NLRP4: variants seen among roughly 807,000 people sequenced by gnomAD.
NLRP4 encodes NLR family pyrin domain containing 4.
In NLRP4, 44 loss-of-function variants were observed where a neutral mutation model predicts 84.7. The ratio of observed to expected loss-of-function variants is 0.52; its 90% confidence interval spans 0.41 to 0.67. The LOEUF (loss-of-function observed/expected upper bound fraction) is 0.67, where lower values mean the gene tolerates loss of function less well. Ranked by LOEUF, NLRP4 falls within the 30% of genes least tolerant of loss-of-function variation. NLRP4 has a pLI of 0.00. For missense variants in NLRP4, 1,260 were observed against 1,219.4 expected (o/e 1.03, Z -0.50); for synonymous variants, 544 against 476.4 (o/e 1.14, Z -1.85).
intron 1 of NLRP4, among the ~76,000 whole-genome samples, chr19:55,850,179 G>A (rs1027817801): frequency 1.4e-5 from 2 of 146,430 alleles, no homozygotes; most frequent in Non-Finnish European, 3.0e-5. Context: ...CCGTGGCTGC[G>A]GTGTAATTTC....
At chr19:55,862,301 A>G (rs1160251882) in intron 5 of NLRP4, 142 bp downstream of exon 5, 3 of 395,224 alleles carry the variant, frequency 7.6e-6, no homozygotes, top group African/African-American at 4.9e-5. Flanking sequence ...ATTGGGTTTC[A>G]GAGAAGACTA....
chr19:55,838,112 G>A (rs36187149), intron 1 of NLRP4, among the ~76,000 whole-genome samples: 9,684 of 148,980 alleles, frequency 0.065, 397 homozygotes, highest in Middle Eastern at 0.1. Flanking sequence ...CGAGGTTGGG[G>A]GTTCGAGACC....
At position 55,852,472 on chromosome 19, in the gene NLRP4, T is replaced by C. The variant is rs138537127; in HGVS notation, c.280+112T>C. 8 of 659,960 alleles carry C rather than the reference T, an allele frequency of 1.2e-5. No homozygotes were observed. In the African/African-American group the frequency reaches 1.3e-4, roughly 11 times the overall value. 40.9% of individuals were successfully genotyped at this position (659,960 alleles called of 1,614,324 possible). On this transcript the variant is annotated intron_variant, in intron 2 of 9. Transcript: ENST00000301295. ...GACCTGAATGTGCTATGGGAAAATA[T>C]TAGGTTTTTTTTTTTTTTTTTTTGG...
chr19:55,839,308 A>T (rs365755), intron 1 of NLRP4, among the ~76,000 whole-genome samples: 47 of 151,350 alleles, frequency 3.1e-4, no homozygotes, highest in African/African-American at 1.0e-3. Flanking sequence ...CCTCAGTTTG[A>T]GTGTGTGTGT....
chr19:55,840,093 G>A (rs577930398), intron 1 of NLRP4, among the ~76,000 whole-genome samples: 1 of 152,300 alleles, frequency 6.6e-6, no homozygotes, highest in East Asian at 1.9e-4. Context: ...CTGAGGATCA[G>A]TATATAGCTG....
At chr19:55,845,066 T>G (rs1186536729) in intron 1 of NLRP4, among the ~76,000 whole-genome samples, 1 of 152,046 alleles carries the variant, frequency 6.6e-6, no homozygotes, top group Non-Finnish European at 1.5e-5. Context: ...AGGGTACATG[T>G]GCACAACGTG....
intron 1 of NLRP4, among the ~76,000 whole-genome samples, chr19:55,838,285 A>G (rs1983465317): frequency 1.3e-5 from 2 of 151,598 alleles, no homozygotes; most frequent in Non-Finnish European, 1.5e-5. Flanking sequence ...CTGGGCAACA[A>G]GAGTGAAACT....
chr19:55,861,427 T>A lies in NLRP4; in HGVS notation c.1898T>A (p.Val633Glu). ...ATCTGTTGGCATCACATCTGCTCTG[T>A]GCTCACCACCAGCGGGCACCTCAGA... is the stretch of plus-strand genomic sequence containing the variant. ...SLICWHHICSVLTTSGHLREL... is the reference protein window; with the variant it reads ...SLICWHHICSELTTSGHLREL... Residue 633 changes from valine (V) to glutamate (E), a missense_variant, in exon 4 of 10, where the codon GTG (valine) becomes GAG (glutamate). By Grantham distance (121) the Val-to-Glu change is moderately radical. Coordinates refer to ENST00000301295, the MANE Select transcript of NLRP4 (RefSeq NM_134444.5). The A allele has an allele frequency of 6.2e-7, 1 of 1,614,190 alleles. No homozygotes were observed. The highest frequency in any genetic ancestry group is 1.3e-5 in the African/African-American group (1 of 75,052).
intron 2 of NLRP4, among the ~76,000 whole-genome samples, chr19:55,856,379 A>C (rs1163809020): frequency 6.6e-6 from 1 of 152,166 alleles, no homozygotes; most frequent in East Asian, 1.9e-4. Context: ...AACAGGCAGA[A>C]GATAGACTCC....
At chr19:55,861,963 C>T in intron 4 of NLRP4, 29 bp from the exon 5 acceptor site, 9 of 1,564,724 alleles carry the variant, frequency 5.8e-6, no homozygotes, top group Non-Finnish European at 7.9e-6. Context: ...TTAGATGAAA[C>T]TCATCCAAAA....
At chr19:55,869,757 T>G (rs1302135816) in intron 6 of NLRP4, among the ~76,000 whole-genome samples, 1 of 148,124 alleles carries the variant, frequency 6.8e-6, no homozygotes, top group African/African-American at 2.5e-5. Context: ...TACTCCACAC[T>G]TTTTTTTCAA....
chr19:55,855,650 T>C (rs138317172), intron 2 of NLRP4, among the ~76,000 whole-genome samples: 5 of 152,364 alleles, frequency 3.3e-5, no homozygotes, highest in African/African-American at 1.2e-4. Context: ...CCAGTAACTA[T>C]TATGCGGGGC....
chr19:55,859,286 ATCTG>A (rs767534323), intron 3 of NLRP4, 37 bp downstream of exon 3: 53 of 1,523,126 alleles, frequency 3.5e-5, no homozygotes, highest in Non-Finnish European at 4.4e-5. Flanking sequence ...TCTTCTCAGA[ATCTG>A]TCTGTATTCC....
chr19:55,874,486 A>C (rs530973926), intron 7 of NLRP4, among the ~76,000 whole-genome samples: 1 of 152,332 alleles, frequency 6.6e-6, no homozygotes, highest in South Asian at 2.1e-4. Flanking sequence ...CAGATATTAA[A>C]AAGATTACAT....
rs1568658168 is a variant in NLRP4 at position 55,849,954 on chromosome 19, ACTGCGGTGTAATTTCCGTAG to A, written c.-65-2044_-65-2025del. ...CCGTAGCCGCGGTGTAATTTCCGAG[ACTGCGGTGTAATTTCCGTAG>A]CTGCGGTGTAATTTCCGAGACTGCG... On this transcript the variant is annotated intron_variant, in intron 1 of 9. Coordinates refer to ENST00000301295, the MANE Select transcript of NLRP4 (RefSeq NM_134444.5). Among the ~76,000 whole-genome samples, 58 of 54,086 alleles carry A rather than the reference ACTGCGGTGTAATTTCCGTAG, an allele frequency of 1.1e-3. 1 individual carries two copies. The highest frequency in any genetic ancestry group is 4.7e-3 in the East Asian group (11 of 2,348). 35.5% of individuals were successfully genotyped at this position (54,086 alleles called of 152,430 possible).
At chr19:55,855,454 A>G (rs1485996011) in intron 2 of NLRP4, among the ~76,000 whole-genome samples, 1 of 152,172 alleles carries the variant, frequency 6.6e-6, no homozygotes, top group African/African-American at 2.4e-5. Flanking sequence ...GAATGGGCAA[A>G]CAACTTAGCT....
In NLRP4 at chr19:55,861,543, C is replaced by T. The variant is rs1236775927; in HGVS notation, c.2014C>T (p.Leu672Phe). ...LRHPSCRLQK[L>F]GINNVSFSGQ... ...GCATCCCAGCTGTCGCCTTCAGAAG[C>T]TTGGGTGAGTTGAGAATCGACTTCG... Residue 672 changes from leucine to phenylalanine, a missense_variant, in exon 4 of 10, where the codon CTT (leucine) becomes TTT (phenylalanine). Around this residue, in one of 3 missense-constraint regions of NLRP4, gnomAD observed 544 missense variants for 531.7 expected, o/e 1.02. Transcript: ENST00000301295. 2 of 1,613,684 alleles carry T rather than the reference C, an allele frequency of 1.2e-6. No homozygotes were observed. Among genetic ancestry groups the T allele is most frequent in the Non-Finnish European group, 1.7e-6 (2 of 1,179,778 alleles).
rs1243627881 is a variant in NLRP4, at chr19:55,881,555, G to T, written c.2953G>T (p.Asp985Tyr). ...AAATCCTAACCTGACCATCACAGACGACTGTGACACAATCACAAGGGTAGA... is the reference window on the plus strand; with the variant it reads ...AAATCCTAACCTGACCATCACAGACTACTGTGACACAATCACAAGGGTAGA... ...ERNPNLTITD[D>Y]CDTITRVEI The change falls in exon 10 of 10, where the codon GAC becomes TAC. Residue 985 changes from aspartate (D) to tyrosine (Y), a missense_variant. This residue lies in a region of NLRP4 where 544 missense variants were observed against 531.7 expected (regional missense o/e 1.02). Transcript: ENST00000301295. 6.3e-7 allele frequency: 1 copy of T among 1,595,962 alleles called. No homozygotes were observed. The highest frequency in any genetic ancestry group is 8.6e-7 in the Non-Finnish European group (1 of 1,163,770).
chr19:55,843,089 A>T (rs1333271743), intron 1 of NLRP4, among the ~76,000 whole-genome samples: 1 of 152,140 alleles, frequency 6.6e-6, no homozygotes, highest in Non-Finnish European at 1.5e-5. Context: ...TATTCTGGTT[A>T]GACTTGAGTC....
Sources: allele counts gnomAD v4.1 joint callset (sites outside exome capture counted in the v4.1 genomes callset), GRCh38; gene constraint gnomAD v4.1.1; regional missense constraint gnomAD v4.1.1; transcripts MANE v1.5; gene names NCBI Gene and HGNC (gene_info 2026-07-23, HGNC 2026-07-21).